Variants in MXD1 observed in about 807,000 individuals in gnomAD.
MXD1 encodes the protein MAX dimerization protein 1, also known as MAX-binding protein.
A neutral mutation model predicts 25.7 loss-of-function variants in MXD1; 9 were observed. That is an observed-to-expected ratio of 0.35 (90% CI 0.21 to 0.61). The LOEUF (loss-of-function observed/expected upper bound fraction) is 0.61, where lower values mean the gene tolerates loss of function less well. MXD1 is among the 20% of genes least tolerant of loss of function. MXD1 has a pLI of 0.75. For synonymous variants in MXD1, 99 were observed against 113.9 expected (o/e 0.87, Z 0.83); for missense variants, 227 against 292.4 (o/e 0.78, Z 1.63).
At chr2:69,929,429 C>T (rs1296748980) in intron 3 of MXD1, among the ~76,000 whole-genome samples, 1 of 152,176 alleles carries the variant, frequency 6.6e-6, no homozygotes, top group Non-Finnish European at 1.5e-5. Flanking sequence ...ATCTACTAGC[C>T]TGAGAGAGAT....
chr2:69,924,198 T>C (rs1677128253), intron 3 of MXD1, among the ~76,000 whole-genome samples: 1 of 152,206 alleles, frequency 6.6e-6, no homozygotes, highest in Non-Finnish European at 1.5e-5. Context: ...TTTCAGTTAA[T>C]ATACTAAGTG....
chr2:69,929,558 G>A lies in MXD1; in HGVS notation c.204-5793G>A, dbSNP rs539796592. On this transcript the variant is annotated intron_variant, in intron 3 of 5. Coordinates refer to ENST00000264444, the MANE Select transcript of MXD1 (RefSeq NM_002357.4). ...TGCCAAAGCTCTGGTAGGAGCTGGT[G>A]CCTCAAACAGCTTGGCACCTTCTTC... Among the ~76,000 whole-genome samples the A allele has an allele frequency of 2.6e-5, 4 of 152,334 alleles. No homozygotes were observed. In the East Asian group the frequency reaches 7.7e-4, roughly 29 times the overall value.
chr2:69,933,217 AAAAAAAAC>A (rs1558571820), intron 3 of MXD1, among the ~76,000 whole-genome samples: 1 of 151,230 alleles, frequency 6.6e-6, no homozygotes, highest in Admixed American at 6.6e-5. Context: ...AAAAAAAAAA[AAAAAAAAC>A]AAAAAAAGAA....
At chr2:69,916,302 A>T (rs975404863) in intron 2 of MXD1, 82 bp downstream of exon 2, 1 of 816,030 alleles carries the variant, frequency 1.2e-6, no homozygotes, top group African/African-American at 1.7e-5. Flanking sequence ...TTCTGTTGTG[A>T]TTATAACCCT....
intron 3 of MXD1, among the ~76,000 whole-genome samples, chr2:69,921,977 A>G (rs1323597796): frequency 6.6e-6 from 1 of 152,178 alleles, no homozygotes; most frequent in East Asian, 1.9e-4. Context: ...CCTCACCCGC[A>G]CCAGCCCACT....
chr2:69,929,786 G>A (rs898100871), intron 3 of MXD1, among the ~76,000 whole-genome samples: 1 of 152,032 alleles, frequency 6.6e-6, no homozygotes, highest in East Asian at 1.9e-4. Context: ...AGGATTTATG[G>A]TGTTATCTCC....
At chr2:69,933,219 A>AAAAAAC (rs1558571832) in intron 3 of MXD1, among the ~76,000 whole-genome samples, 1 of 150,654 alleles carries the variant, frequency 6.6e-6, no homozygotes, top group Non-Finnish European at 1.5e-5. Flanking sequence ...AAAAAAAAAA[A>AAAAAAC]AAAAACAAAA....
chr2:69,921,759 A>G lies in MXD1; in HGVS notation c.197A>G (p.Lys66Arg). The change falls in exon 3 of 6, where the codon AAG becomes AGG. Residue 66 changes from lysine to arginine, a missense_variant. Transcript: ENST00000264444. ...AGATCAACTCACAATGAAATGGAGA[A>G]GAATAGGTGAGTTGGGGATTTGGGA... ...SSRSTHNEME[K>R]NRRAHLRLCL... 6.2e-7 allele frequency: 1 copy of G among 1,611,930 alleles called. No individual in the cohort carries two copies. Among genetic ancestry groups the G allele is most frequent in the Non-Finnish European group, 8.5e-7 (1 of 1,178,956 alleles).
At chr2:69,929,525 T>C (rs1030905984) in intron 3 of MXD1, among the ~76,000 whole-genome samples, 3 of 152,224 alleles carry the variant, frequency 2.0e-5, no homozygotes, top group Non-Finnish European at 4.4e-5. Context: ...CCAGGTGCTT[T>C]CTATCAGTGC....
intron 2 of MXD1, among the ~76,000 whole-genome samples, chr2:69,920,301 AAC>A (rs1677041632): frequency 6.6e-6 from 1 of 152,220 alleles, no homozygotes; most frequent in Non-Finnish European, 1.5e-5. Context: ...CTTTTAAGTT[AAC>A]CAATTTTGGA....
In MXD1 at chr2:69,926,963, G is replaced by T. The variant is rs79321241; in HGVS notation, c.203+5198G>T. Among the ~76,000 whole-genome samples the T allele has an allele frequency of 2.9e-4, 44 of 152,306 alleles. No homozygotes were observed. The East Asian group carries it at 7.9e-3, about 27-fold the overall frequency. On this transcript the variant is annotated intron_variant, in intron 3 of 5. Transcript: ENST00000264444. ...AGTGGTACATATGCAGCTCTTGCTAGAATTAGGTGCCTGGTCTAGAGCTAC... is the reference window on the plus strand; with the variant it reads ...AGTGGTACATATGCAGCTCTTGCTATAATTAGGTGCCTGGTCTAGAGCTAC...
chr2:69,915,484 G>A lies in MXD1; in HGVS notation c.73+81G>A. The A allele has an allele frequency of 8.7e-7, 1 of 1,146,956 alleles. No individual in the cohort carries two copies. Among genetic ancestry groups the A allele is most frequent in the Non-Finnish European group, 1.1e-6 (1 of 894,882 alleles). The allele number at this position is 1,146,956 out of a possible 1,614,324, so 71.0% of individuals were successfully genotyped here. On this transcript the variant is annotated intron_variant, in intron 1 of 5. Transcript: ENST00000264444. The surrounding 1 kb of genome is among the most constrained non-coding windows in gnomAD (Gnocchi z 5.8). ...CGGCCTCAGGTCCGGGCGCCCAGCC[G>A]CTCCGGGGGTGGTTGGAGGCGGGGA... is the stretch of plus-strand genomic sequence containing the variant.
At position 69,918,318 on chromosome 2, in the gene MXD1, A is replaced by T. The variant is rs6718298; in HGVS notation, c.173+2098A>T. ...ACTTTTCCTTGGACAATAAAAGATA[A>T]GATTTTGCCACATAGGAAACTTCTT... On this transcript the variant is annotated intron_variant, in intron 2 of 5. Transcript: ENST00000264444. Among the ~76,000 whole-genome samples the T allele has an allele frequency of 3.9e-5, 6 of 152,012 alleles. No individual in the cohort carries two copies. The South Asian group carries it at 8.3e-4, about 21-fold the overall frequency.
chr2:69,937,296 G>A lies in MXD1; in HGVS notation c.380G>A (p.Arg127Gln), dbSNP rs776108928. The A allele has an allele frequency of 1.5e-5, 25 of 1,614,216 alleles. No individual in the cohort carries two copies. Among genetic ancestry groups the A allele is most frequent in the Middle Eastern group, 1.6e-4 (1 of 6,062 alleles). The change falls in exon 5 of 6, where the codon CGA becomes CAA. Residue 127 changes from arginine to glutamine, a missense_variant. Physicochemically the swap from Arg to Gln is conservative, Grantham distance 43. Transcript: ENST00000264444. Reference protein sequence around the residue: ...HQIDQLQREQRHLKRQLEKLG... With the variant: ...HQIDQLQREQQHLKRQLEKLG... ...ATCGACCAGCTTCAGCGAGAGCAGC[G>A]ACACCTGAAGAGGCAGCTGGAGAAG... is the stretch of plus-strand genomic sequence containing the variant.
rs376296102 is a variant in MXD1, at chr2:69,938,300, G to A, written c.*16G>A. The A allele has an allele frequency of 1.2e-4, 189 of 1,612,228 alleles. No homozygotes were observed. Among genetic ancestry groups the A allele is most frequent in the Non-Finnish European group, 1.3e-4 (149 of 1,178,808 alleles). ...TGGTCTCTAAGAGAGTGGGCACTGCGGCTGTCTCCTTGAAGGTTCTCCCTG... is the reference window on the plus strand; with the variant it reads ...TGGTCTCTAAGAGAGTGGGCACTGCAGCTGTCTCCTTGAAGGTTCTCCCTG... On this transcript the variant is annotated 3_prime_UTR_variant, in exon 6 of 6. Coordinates refer to ENST00000264444, the MANE Select transcript of MXD1 (RefSeq NM_002357.4).
At chr2:69,928,469 T>C (rs1677212707) in intron 3 of MXD1, among the ~76,000 whole-genome samples, 1 of 152,218 alleles carries the variant, frequency 6.6e-6, no homozygotes, top group African/African-American at 2.4e-5. Context: ...AGGGTTTGAA[T>C]ATAGCTCCTA....
intron 3 of MXD1, among the ~76,000 whole-genome samples, chr2:69,928,518 C>T (rs548057202): frequency 1.3e-5 from 2 of 152,236 alleles, no homozygotes; most frequent in Middle Eastern, 3.4e-3. Context: ...CGTTTGAGCA[C>T]TCCAACTAAA....
Position 69,937,384 on chromosome 2 carries a change from C to T in MXD1, c.468C>T (p.Asp156=). The T allele has an allele frequency of 6.2e-7, 1 of 1,607,116 alleles. No individual in the cohort carries two copies. Among genetic ancestry groups the T allele is most frequent in the Non-Finnish European group, 8.5e-7 (1 of 1,176,580 alleles). The stretch of plus-strand genomic sequence containing the variant: ...CCACCGTCTCCTCGGAGCGCTCCGA[C>T]TCCGACAGGGGTGAGCCTCTCTCAC... ...IGSTVSSERS[D]SDREEIDVDV... The change falls in exon 5 of 6, where the codon GAC becomes GAT. Residue 156 remains aspartate, a synonymous_variant. Coordinates refer to ENST00000264444, the MANE Select transcript of MXD1 (RefSeq NM_002357.4).
At chr2:69,920,237 C>T (rs368864497) in intron 2 of MXD1, among the ~76,000 whole-genome samples, 28 of 152,164 alleles carry the variant, frequency 1.8e-4, no homozygotes, top group Non-Finnish European at 3.4e-4. Context: ...CCGCCTGCCT[C>T]GGCCTCCCAA....
Sources: allele counts gnomAD v4.1 joint callset (sites outside exome capture counted in the v4.1 genomes callset), GRCh38; gene constraint gnomAD v4.1.1; non-coding constraint Gnocchi (gnomAD v3.1); transcripts MANE v1.5; gene names NCBI Gene and HGNC (gene_info 2026-07-23, HGNC 2026-07-21).